MAMDC4: variants seen among roughly 807,000 people sequenced by gnomAD.
The protein encoded by MAMDC4 is apical endosomal glycoprotein.
MAMDC4 carries 168 observed loss-of-function variants against 153.3 expected under a neutral mutation model. The observed-to-expected ratio is 1.10, with a 90% CI of 0.97 to 1.25. MAMDC4 has a LOEUF of 1.25. Among genes scored for constraint, MAMDC4 ranks in the 50% most tolerant of loss-of-function variants. The pLI is 0.00. For synonymous variants in MAMDC4, 744 were observed against 651.5 expected (o/e 1.14, Z -2.16); for missense variants, 1,701 against 1,542.8 (o/e 1.10, Z -1.72).
chr9:136,857,885 C>T, intron 19 of MAMDC4, 89 bp downstream of exon 19: 1 of 1,499,370 alleles, frequency 6.7e-7, no homozygotes, highest in Non-Finnish European at 8.9e-7. Context: ...ACTGGGGAGC[C>T]TCTTGCGCCC....
intron 23 of MAMDC4, 60 bp downstream of exon 23, chr9:136,858,913 G>C (rs1849047284): frequency 1.0e-5 from 16 of 1,551,438 alleles, no homozygotes; most frequent in Non-Finnish European, 1.4e-5. Context: ...TCCAGGAGCA[G>C]AGGTGGGGAG....
Position 136,860,549 on chromosome 9 carries a change from T to TTCC in MAMDC4, c.3373-5_3373-3dup. On this transcript the variant is annotated splice_polypyrimidine_tract_variant and intron_variant, in intron 26 of 26. Coordinates refer to ENST00000317446, the MANE Select transcript of MAMDC4 (RefSeq NM_206920.3). ...GAAAGAAAGAAAAAAAAAGCTCCTC[T>TTCC]TCCTCCTCCTAGGATGGTGTCACCC... is the stretch of plus-strand genomic sequence containing the variant. 6.2e-7 allele frequency: 1 copy of TTCC among 1,610,672 alleles called. No homozygotes were observed. The highest frequency in any genetic ancestry group is 8.5e-7 in the Non-Finnish European group (1 of 1,179,456).
At chr9:136,855,664 G>A (rs554818867) in intron 12 of MAMDC4, 45 bp downstream of exon 12, 3 of 1,565,888 alleles carry the variant, frequency 1.9e-6, no homozygotes, top group South Asian at 1.2e-5. Flanking sequence ...GCGGAGCCAA[G>A]GGGGTAGGCG....
rs752468190 is a variant in MAMDC4, at chr9:136,858,487, G to A, written c.2762G>A (p.Gly921Glu). 4 of 1,608,842 alleles carry A rather than the reference G, an allele frequency of 2.5e-6. No individual in the cohort carries two copies. Among genetic ancestry groups the A allele is most frequent in the East Asian group, 2.2e-5 (1 of 44,832 alleles). The change falls in exon 22 of 27, where the codon GGA becomes GAA. Residue 921 changes from glycine to glutamate, a missense_variant. Physicochemically the swap from Gly to Glu is moderately conservative, Grantham distance 98. Coordinates refer to ENST00000317446, the MANE Select transcript of MAMDC4 (RefSeq NM_206920.3). ...LGGYSWDWGG[G>E]ATPSRYPQPP... ...GGATACAGCTGGGACTGGGGCGGGG[G>A]AGCCACCCCCTCTCGTTACCCCCAG...
In MAMDC4 at chr9:136,854,803, A is replaced by G. The variant is rs150548116; in HGVS notation, c.976A>G (p.Ile326Val). The change falls in exon 9 of 27, where the codon ATA becomes GTA. Residue 326 changes from isoleucine to valine, a missense_variant. Ile to Val is a conservative substitution (Grantham distance 29, BLOSUM62 3). Transcript: ENST00000317446. ...VSVAEPGTPA[I>V]LSSPEFQASG... Reference sequence around the variant, plus strand: ...CGTGGCCGAGCCTGGCACCCCTGCTATACTCTCCAGCCCCGAATTCCAAGC... The same window carrying G: ...CGTGGCCGAGCCTGGCACCCCTGCTGTACTCTCCAGCCCCGAATTCCAAGC... 221 of 1,612,724 alleles carry G rather than the reference A, an allele frequency of 1.4e-4. No individual in the cohort carries two copies. The highest frequency in any genetic ancestry group is 1.9e-4 in the African/African-American group (14 of 75,008).
chr9:136,855,198 G>A lies in MAMDC4; in HGVS notation c.1198-56G>A. Reference sequence around the variant, plus strand: ...CAAGGTACCCACTGCGGGTGGACAGGGACCAGACCCCAGGGGGAAATAGGC... The same window carrying A: ...CAAGGTACCCACTGCGGGTGGACAGAGACCAGACCCCAGGGGGAAATAGGC... On this transcript the variant is annotated intron_variant, in intron 10 of 26. Coordinates refer to ENST00000317446, the MANE Select transcript of MAMDC4 (RefSeq NM_206920.3). 1.3e-5 allele frequency: 20 copies of A among 1,578,640 alleles called. No individual in the cohort carries two copies. The South Asian group carries it at 2.2e-4, about 17-fold the overall frequency.
intron 1 of MAMDC4, 151 bp downstream of exon 1, chr9:136,852,613 G>T: frequency 1.0e-6 from 1 of 985,554 alleles, no homozygotes; most frequent in Non-Finnish European, 1.5e-6. Context: ...CCTGCAAGGG[G>T]GGTGACCTGG....
At position 136,852,396 on chromosome 9, in the gene MAMDC4, A is replaced by G. The variant is rs1414421814; in HGVS notation, c.-21A>G. The G allele has an allele frequency of 2.5e-6, 4 of 1,608,398 alleles. No individual in the cohort carries two copies. Among genetic ancestry groups the G allele is most frequent in the Non-Finnish European group, 3.4e-6 (4 of 1,179,914 alleles). ...CTTCCCAGGCACCCTGTGTGGCCGC[A>G]CTGCTCCCTCTGGCCCAACCATGCC... On this transcript the variant is annotated 5_prime_UTR_variant, in exon 1 of 27. Coordinates refer to ENST00000317446, the MANE Select transcript of MAMDC4 (RefSeq NM_206920.3).
intron 25 of MAMDC4, chr9:136,859,575 C>A: frequency 1.7e-6 from 1 of 591,064 alleles, no homozygotes. Context: ...TCTGTGCTCC[C>A]TGTGCCCACA....
At chr9:136,859,412 C>A in intron 25 of MAMDC4, 95 bp downstream of exon 25, 2 of 1,120,652 alleles carry the variant, frequency 1.8e-6, no homozygotes, top group Non-Finnish European at 2.5e-6. Flanking sequence ...GTCCCAGGAG[C>A]TGCGAGCATG....
rs755274526 is a variant in MAMDC4 at position 136,853,605 on chromosome 9, C to T, written c.389C>T (p.Ser130Leu). Reference sequence around the variant, plus strand: ...GAGGCATCCACCGCAGCCCTGCGCTCGCCAACCCTGCGAGAGGCAGCCTCC... The same window carrying T: ...GAGGCATCCACCGCAGCCCTGCGCTTGCCAACCCTGCGAGAGGCAGCCTCC... The part of the protein sequence containing the change: ...GKEASTAALR[S>L]PTLREAASSC... Residue 130 changes from serine (S) to leucine (L), a missense_variant, in exon 4 of 27, where the codon TCG becomes TTG. Physicochemically the swap from Ser to Leu is moderately radical, Grantham distance 145. Coordinates refer to ENST00000317446, the MANE Select transcript of MAMDC4 (RefSeq NM_206920.3). 24 of 1,612,422 alleles carry T rather than the reference C, an allele frequency of 1.5e-5. No individual in the cohort carries two copies. Among genetic ancestry groups the T allele is most frequent in the African/African-American group, 6.7e-5 (5 of 74,910 alleles).
In MAMDC4 at chr9:136,859,953, G is replaced by A. The variant is rs1274094627; in HGVS notation, c.3261G>A (p.Leu1087=). The A allele has an allele frequency of 2.5e-6, 4 of 1,612,960 alleles. No individual in the cohort carries two copies. The highest frequency in any genetic ancestry group is 4.5e-5 in the East Asian group (2 of 44,898). ...VGSALLLLML[L]VLLGLGGRRW... is the part of the protein sequence containing the mutation. ...GTGCCCTCCTATTGCTCATGCTCCT[G>A]GTGCTGCTGGGACTTGGGGGACGGC... Residue 1087 remains leucine, a synonymous_variant, in exon 26 of 27, where the codon CTG becomes CTA. Transcript: ENST00000317446.
Position 136,857,179 on chromosome 9 carries a change from G to A in MAMDC4, c.1987G>A (p.Ala663Thr). The A allele has an allele frequency of 6.2e-7, 1 of 1,612,498 alleles. No homozygotes were observed. The highest frequency in any genetic ancestry group is 8.5e-7 in the Non-Finnish European group (1 of 1,179,840). ...CCTCCCTGCAGGGACTCTGCGCCTA[G>A]CCATGAGACGGGAAGGGGAGGAGAC... ...HGPQIGTLRL[A>T]MRREGEETHL... is the part of the protein sequence containing the mutation. The change falls in exon 17 of 27, where the codon GCC (alanine) becomes ACC (threonine). Residue 663 changes from alanine (A) to threonine (T), a missense_variant. Coordinates refer to ENST00000317446, the MANE Select transcript of MAMDC4 (RefSeq NM_206920.3).
In MAMDC4 at chr9:136,852,539, G is replaced by T. The variant is rs1026712960; in HGVS notation, c.46+77G>T. The T allele has an allele frequency of 5.8e-6, 9 of 1,545,250 alleles. No individual in the cohort carries two copies. The Admixed American group carries it at 1.5e-4, about 26-fold the overall frequency. Reference sequence around the variant, plus strand: ...AGCCTACCATCTGTGTGGCAGTGACGGACACCAGGGCTGATGCCTGAGCCC... The same window carrying T: ...AGCCTACCATCTGTGTGGCAGTGACTGACACCAGGGCTGATGCCTGAGCCC... On this transcript the variant is annotated intron_variant, in intron 1 of 26. Transcript: ENST00000317446.
Position 136,858,384 on chromosome 9 carries a change from C to A in MAMDC4, c.2675-16C>A. The A allele has an allele frequency of 2.5e-6, 4 of 1,600,962 alleles. No individual in the cohort carries two copies. Among genetic ancestry groups the A allele is most frequent in the Non-Finnish European group, 3.4e-6 (4 of 1,179,808 alleles). On this transcript the variant is annotated splice_polypyrimidine_tract_variant and intron_variant, in intron 21 of 26. Coordinates refer to ENST00000317446, the MANE Select transcript of MAMDC4 (RefSeq NM_206920.3). ...GGGCCGTGGGGCAGCACCACTCACC[C>A]ACCCATGTCCTGCAGGTTCCTGTGA...
chr9:136,857,915 A>G (rs1376215513), intron 19 of MAMDC4, 64 bp from the exon 20 acceptor site: 22 of 1,469,768 alleles, frequency 1.5e-5, no homozygotes, highest in Non-Finnish European at 1.9e-5. Flanking sequence ...GGAGCCTGGG[A>G]GCTCAGACCA....
chr9:136,858,977 G>T, intron 23 of MAMDC4, 28 bp from the exon 24 acceptor site: 1 of 1,507,322 alleles, frequency 6.6e-7, no homozygotes, highest in South Asian at 1.3e-5. Flanking sequence ...AGGACCCCAG[G>T]CCTGACACGC....
rs117124603 is a variant in MAMDC4 at position 136,858,290 on chromosome 9, C to T, written c.2674+14C>T. ...GCCCTCAGCCAGGTGGGAGCCCTGC[C>T]GTGGCCTCGGCCCTGCTCTGGGGTG... On this transcript the variant is annotated intron_variant, in intron 21 of 26. Coordinates refer to ENST00000317446, the MANE Select transcript of MAMDC4 (RefSeq NM_206920.3). 1,006 of 1,601,118 alleles carry T rather than the reference C, an allele frequency of 6.3e-4. 9 individuals carry two copies. In the East Asian group the frequency reaches 0.019, roughly 30 times the overall value.
Position 136,856,735 on chromosome 9 carries a change from C to G in MAMDC4, c.1746C>G (p.Asp582Glu). ...PREVSCNFERDTCSWYPGHLS... is the reference protein window; with the variant it reads ...PREVSCNFERETCSWYPGHLS... ...AGGTCTCCTGTAACTTTGAGCGGGA[C>G]ACATGCAGCTGGTACCCAGGCCACC... Residue 582 changes from aspartate (D) to glutamate (E), a missense_variant, in exon 15 of 27, where the codon GAC (aspartate) becomes GAG (glutamate). Transcript: ENST00000317446. 6.2e-7 allele frequency: 1 copy of G among 1,612,668 alleles called. No homozygotes were observed. Among genetic ancestry groups the G allele is most frequent in the Non-Finnish European group, 8.5e-7 (1 of 1,179,890 alleles).
Sources: gnomAD v4.1 joint callset for allele counts on GRCh38, gnomAD v4.1.1 for gene constraint, MANE v1.5 for transcripts, NCBI Gene and HGNC (gene_info 2026-07-23, HGNC 2026-07-21) for gene names.